PCDHGA1: variants seen among roughly 807,000 people sequenced by gnomAD.
PCDHGA1 encodes the protein protocadherin gamma-A1.
PCDHGA1 carries 32 observed loss-of-function variants against 58.0 expected under a neutral mutation model. The observed-to-expected ratio is 0.55, with a 90% CI of 0.42 to 0.74. The LOEUF (loss-of-function observed/expected upper bound fraction) is 0.74. Ranked by LOEUF, PCDHGA1 falls within the 30% of genes least tolerant of loss-of-function variation. PCDHGA1 has a pLI of 0.00. For synonymous variants in PCDHGA1, 498 were observed against 501.1 expected, an observed-to-expected ratio of 0.99 and a Z score of 0.08; for missense variants, 1,205 against 1,182.3, an observed-to-expected ratio of 1.02 and a Z score of -0.28.
intron 3 of PCDHGA1, among the ~76,000 whole-genome samples, chr5:141,509,338 C>T (rs2099876319): frequency 6.6e-6 from 1 of 152,188 alleles, no homozygotes; most frequent in Admixed American, 6.5e-5. Flanking sequence ...CCAGCTGGGC[C>T]TGGGCTGGCC....
In PCDHGA1 at chr5:141,359,947, C is replaced by G. The variant is rs903366746; in HGVS notation, c.2421+26842C>G. The G allele has an allele frequency of 9.4e-6, 5 of 532,132 alleles. No homozygotes were observed. The African/African-American group carries it at 9.7e-5, about 10-fold the overall frequency. The allele number at this position is 532,132 out of a possible 1,614,324, so 33.0% of individuals were successfully genotyped here. ...AAAACCTCTGAGCGTCGCTGTTGGT[C>G]AAAAGAACGAAGAGAAGCGTTTGGG... On this transcript the variant is annotated intron_variant, in intron 1 of 3. Coordinates refer to ENST00000517417, the MANE Select transcript of PCDHGA1 (RefSeq NM_018912.3).
At chr5:141,342,119 T>A (rs978539418) in intron 1 of PCDHGA1, 35 of 148,012 alleles carry the variant, frequency 2.4e-4, no homozygotes, top group African/African-American at 8.5e-4. Flanking sequence ...CCTTTTTTTT[T>A]ATCTTTCTCA....
chr5:141,484,024 A>G (rs769415978), intron 1 of PCDHGA1, among the ~76,000 whole-genome samples: 14 of 150,914 alleles, frequency 9.3e-5, no homozygotes, highest in Non-Finnish European at 1.6e-4. Flanking sequence ...GTGGGGTGAG[A>G]TCAAGTCTCC....
chr5:141,351,696 C>T (rs568758790), intron 1 of PCDHGA1: 1 of 1,613,976 alleles, frequency 6.2e-7, no homozygotes, highest in Admixed American at 1.7e-5. Context: ...GATTTGGGAC[C>T]CAACGGCAGA....
At position 141,485,386 on chromosome 5, in the gene PCDHGA1, C is replaced by A. The variant is rs1044608807; in HGVS notation, c.2422-9421C>A. The stretch of plus-strand genomic sequence containing the variant: ...GGCTGCAGGTCGCTGGAGAGGTGAA[C>A]CAAAGACACTTCCGTGTGGATTTGG... On this transcript the variant is annotated intron_variant, in intron 1 of 3. Coordinates refer to ENST00000517417, the MANE Select transcript of PCDHGA1 (RefSeq NM_018912.3). This position sits in a 1 kb window ranked among gnomAD's most constrained non-coding sequence, Gnocchi z 5.7. 1.2e-6 allele frequency: 2 copies of A among 1,614,104 alleles called. No homozygotes were observed. The highest frequency in any genetic ancestry group is 8.5e-7 in the Non-Finnish European group (1 of 1,180,002).
At chr5:141,422,090 A>T (rs762413085) in intron 1 of PCDHGA1, 1 of 1,611,852 alleles carries the variant, frequency 6.2e-7, no homozygotes, top group East Asian at 2.2e-5. Context: ...ATGGAAAGCA[A>T]GGCTTCTGAA....
At chr5:141,423,990 T>A (rs2096793990) in intron 1 of PCDHGA1, 2 of 1,090,000 alleles carry the variant, frequency 1.8e-6, no homozygotes, top group East Asian at 1.1e-4. Flanking sequence ...GCTCTCAATT[T>A]ATTATATATA....
At position 141,369,932 on chromosome 5, in the gene PCDHGA1, G is replaced by C. The variant is rs571012686; in HGVS notation, c.2421+36827G>C. On this transcript the variant is annotated intron_variant, in intron 1 of 3. Transcript: ENST00000517417. ...AAAATGGAAACTAAAAACGTGACGG[G>C]ATTGAGCAAGATTATCTCTGCCCTT... Among the ~76,000 whole-genome samples the C allele has an allele frequency of 4.6e-5, 7 of 152,304 alleles. No homozygotes were observed. In the South Asian group the frequency reaches 1.5e-3, roughly 32 times the overall value.
chr5:141,377,398 G>A (rs1274775607), intron 1 of PCDHGA1: 1 of 152,106 alleles, frequency 6.6e-6, no homozygotes. Context: ...TTGAGACCAG[G>A]AGTTTGAGAC....
intron 1 of PCDHGA1, among the ~76,000 whole-genome samples, chr5:141,381,853 G>A (rs1391897608): frequency 1.4e-5 from 1 of 72,944 alleles, no homozygotes; most frequent in Non-Finnish European, 2.5e-5. Flanking sequence ...TTTTTTGGCA[G>A]AGTTTTGCTC....
rs1264130543 is a variant in PCDHGA1 at position 141,485,467 on chromosome 5, C to T, written c.2422-9340C>T. 2 of 1,614,112 alleles carry T rather than the reference C, an allele frequency of 1.2e-6. No homozygotes were observed. The highest frequency in any genetic ancestry group is 1.7e-6 in the Non-Finnish European group (2 of 1,180,024). On this transcript the variant is annotated intron_variant, in intron 1 of 3. Transcript: ENST00000517417. The surrounding 1 kb of genome is among the most constrained non-coding windows in gnomAD (Gnocchi z 5.7). ...TCGACCGAGAGGCACTGTGTGGGCT[C>T]AGTGCCAGCTGCATCGTGCCCCTGG... is the stretch of plus-strand genomic sequence containing the variant.
chr5:141,423,230 G>C (rs1223173152), intron 1 of PCDHGA1: 1 of 1,613,872 alleles, frequency 6.2e-7, no homozygotes, highest in Admixed American at 1.7e-5. Context: ...GTGGCCGACA[G>C]CATCCCCGAA....
Position 141,431,412 on chromosome 5 carries a change from GC to G in PCDHGA1, c.2422-63394del. ...CTGGTCCTTACGGCCTCCGACGGGG[GC>G]GACCCGGTGCGCACAGGCACCGCGC... On this transcript the variant is annotated intron_variant, in intron 1 of 3. Coordinates refer to ENST00000517417, the MANE Select transcript of PCDHGA1 (RefSeq NM_018912.3). The surrounding 1 kb of genome is among the most constrained non-coding windows in gnomAD (Gnocchi z 4.8). The G allele has an allele frequency of 6.2e-7, 1 of 1,613,714 alleles. No homozygotes were observed. Among genetic ancestry groups the G allele is most frequent in the Non-Finnish European group, 8.5e-7 (1 of 1,180,050 alleles).
intron 1 of PCDHGA1, chr5:141,365,896 T>A: frequency 6.2e-6 from 10 of 1,614,212 alleles, no homozygotes; most frequent in Non-Finnish European, 8.5e-6. Flanking sequence ...CCTTCGACTA[T>A]GAGCAGTTGA....
chr5:141,375,828 C>T, intron 1 of PCDHGA1: 1 of 1,614,168 alleles, frequency 6.2e-7, no homozygotes. Context: ...CCCCGCTCCG[C>T]AGAGCCCGGC....
intron 1 of PCDHGA1, chr5:141,374,222 A>G (rs1770285698): frequency 1.2e-6 from 2 of 1,613,902 alleles, no homozygotes; most frequent in South Asian, 1.1e-5. Flanking sequence ...CTTCGTAGGC[A>G]ACATCGTCAA....
intron 1 of PCDHGA1, chr5:141,343,718 C>A: frequency 4.2e-6 from 1 of 235,304 alleles, no homozygotes; most frequent in Non-Finnish European, 8.1e-6. Context: ...GATTTCAGAT[C>A]TTGGATAATT....
intron 1 of PCDHGA1, among the ~76,000 whole-genome samples, chr5:141,461,151 C>A (rs1424467673): frequency 6.6e-6 from 1 of 152,022 alleles, no homozygotes; most frequent in African/African-American, 2.4e-5. Context: ...TGGGTAGATA[C>A]CCAATAGTGG....
At chr5:141,347,112 C>CTCCT (rs753513852) in intron 1 of PCDHGA1, among the ~76,000 whole-genome samples, 6 of 80,984 alleles carry the variant, frequency 7.4e-5, no homozygotes, top group Non-Finnish European at 1.2e-4. Flanking sequence ...TCTCTCTTTC[C>CTCCT]TCCTTCCTTC....
Sources: allele counts gnomAD v4.1 joint callset (sites outside exome capture counted in the v4.1 genomes callset), GRCh38; gene constraint gnomAD v4.1.1; non-coding constraint Gnocchi (gnomAD v3.1); transcripts MANE v1.5; gene names NCBI Gene and HGNC (gene_info 2026-07-23, HGNC 2026-07-21).